Variants in EEF2KMT observed in about 807,000 individuals in gnomAD.
EEF2KMT encodes protein-lysine N-methyltransferase EEF2KMT.
In EEF2KMT, 30 loss-of-function variants were observed where a neutral mutation model predicts 35.1. The observed-to-expected ratio is 0.85, with a 90% CI of 0.64 to 1.16. The LOEUF (loss-of-function observed/expected upper bound fraction) is 1.16. EEF2KMT is among the 50% of genes most tolerant of loss of function. The probability of loss-of-function intolerance (pLI) is 0.00; values close to 1 mark genes in which losing one functional copy is unlikely to be tolerated. For synonymous variants in EEF2KMT, 190 were observed against 187.7 expected (o/e 1.01, Z -0.10); for missense variants, 499 against 438.2 (o/e 1.14, Z -1.24).
rs563038942 is a variant in EEF2KMT at position 5,091,919 on chromosome 16, T to G, written c.241-24A>C. 3.9e-4 allele frequency: 635 copies of G among 1,611,082 alleles called. 6 individuals are homozygous for G. In the South Asian group the frequency reaches 5.3e-3, roughly 14 times the overall value. On this transcript the variant is annotated intron_variant, in intron 3 of 7. Transcript: ENST00000427587. ...TGCTGGGGGCAGACAGAGTGAGAGC[T>G]TGTTTGCTTTCGTTCTAATCTGTAA...
intron 3 of EEF2KMT, 170 bp from the exon 4 acceptor site, chr16:5,092,065 C>T (rs981846261): frequency 2.0e-5 from 26 of 1,269,790 alleles, no homozygotes; most frequent in Middle Eastern, 2.8e-4. Context: ...GCCGAATAGT[C>T]CCAGCTACTC....
chr16:5,094,870 G>A (rs564468743), intron 2 of EEF2KMT, among the ~76,000 whole-genome samples: 3 of 152,294 alleles, frequency 2.0e-5, no homozygotes, highest in South Asian at 2.1e-4. Context: ...TTCTTTCTGC[G>A]AGGGAGTCTA....
intron 2 of EEF2KMT, among the ~76,000 whole-genome samples, chr16:5,094,416 C>A (rs1399506555): frequency 1.3e-5 from 2 of 152,174 alleles, no homozygotes; most frequent in African/African-American, 4.8e-5. Context: ...GCATGTACCA[C>A]CACGCCCAGC....
intron 1 of EEF2KMT, among the ~76,000 whole-genome samples, chr16:5,095,984 C>T (rs1443301726): frequency 6.6e-6 from 1 of 152,184 alleles, no homozygotes; most frequent in African/African-American, 2.4e-5. Context: ...TTCATTGCTT[C>T]AGAGCTCCCT....
intron 7 of EEF2KMT, among the ~76,000 whole-genome samples, chr16:5,088,434 A>T (rs59648697): frequency 6.6e-6 from 1 of 151,872 alleles, no homozygotes; most frequent in African/African-American, 2.4e-5. Flanking sequence ...GGCTGTGCTC[A>T]GGGGGAGCTG....
chr16:5,087,864 T>G (rs1259688271), intron 7 of EEF2KMT, among the ~76,000 whole-genome samples: 1 of 151,338 alleles, frequency 6.6e-6, no homozygotes, highest in Non-Finnish European at 1.5e-5. Context: ...TGGCACTGTT[T>G]TTTTCACTTA....
rs543128575 is a variant in EEF2KMT, at chr16:5,091,797, C to G, written c.339G>C (p.Leu113Phe). The G allele has an allele frequency of 3.3e-4, 529 of 1,611,704 alleles. 5 individuals carry two copies. The South Asian group carries it at 5.3e-3, about 16-fold the overall frequency. ...KESTQGHRSY[L>F]LPSGGSVTLS... is the part of the protein sequence containing the mutation. The stretch of plus-strand genomic sequence containing the variant: ...GAGGAGGGTGCCCTTCTCATACCAG[C>G]AAATAGCTCCGGTGGCCCTGGGTGG... The change falls in exon 4 of 8, where the codon TTG becomes TTC. Residue 113 changes from leucine to phenylalanine, a missense_variant. Physicochemically the swap from Leu to Phe is conservative, Grantham distance 22. Coordinates refer to ENST00000427587, the MANE Select transcript of EEF2KMT (RefSeq NM_201400.4).
chr16:5,088,394 T>A (rs1957259409), intron 7 of EEF2KMT, among the ~76,000 whole-genome samples: 1 of 152,152 alleles, frequency 6.6e-6, no homozygotes, highest in Non-Finnish European at 1.5e-5. Context: ...GGCTGCTGCA[T>A]GTGCATCTGT....
chr16:5,092,523 A>G (rs1467166902), intron 3 of EEF2KMT, among the ~76,000 whole-genome samples: 2 of 152,180 alleles, frequency 1.3e-5, no homozygotes, highest in Non-Finnish European at 2.9e-5. Context: ...TCTGGGGAGG[A>G]CTAGGGAGAA....
At position 5,084,392 on chromosome 16, in the gene EEF2KMT, T is replaced by A. The variant is rs1418271619; in HGVS notation, c.*1240A>T. ...AGTTTGTGATCCTTGATTCAGACAG[T>A]TTAGCAAGGCTGCAAAGAACACCGA... On this transcript the variant is annotated 3_prime_UTR_variant, in exon 8 of 8. Coordinates refer to ENST00000427587, the MANE Select transcript of EEF2KMT (RefSeq NM_201400.4). 1 of 450,356 alleles carries A rather than the reference T, an allele frequency of 2.2e-6. No homozygotes were observed. The highest frequency in any genetic ancestry group is 3.4e-5 in the Admixed American group (1 of 29,066). The allele number at this position is 450,356 out of a possible 1,614,324, so 27.9% of individuals were successfully genotyped here.
At chr16:5,093,815 G>A (rs112346282) in intron 2 of EEF2KMT, among the ~76,000 whole-genome samples, 2,999 of 152,298 alleles carry the variant, frequency 0.02, 106 homozygotes, top group African/African-American at 0.067. Flanking sequence ...GGAACACAGG[G>A]CATGTGGGCC....
At chr16:5,095,617 A>G in intron 1 of EEF2KMT, 103 bp from the exon 2 acceptor site, 1 of 1,565,248 alleles carries the variant, frequency 6.4e-7, no homozygotes, top group Non-Finnish European at 8.8e-7. Flanking sequence ...CTCCCTGGGG[A>G]CGTGGAGCCA....
In EEF2KMT at chr16:5,084,971, A is replaced by C; in HGVS notation, c.*661T>G. ...CTCAGGGCAAACCCTTTCGAGCAGC[A>C]CCTCCCAGTGGCCAGAAGCTGAAAT... On this transcript the variant is annotated 3_prime_UTR_variant, in exon 8 of 8. Transcript: ENST00000427587. 1 of 1,589,932 alleles carries C rather than the reference A, an allele frequency of 6.3e-7. No individual in the cohort carries two copies. Among genetic ancestry groups the C allele is most frequent in the South Asian group, 1.1e-5 (1 of 90,846 alleles).
chr16:5,087,873 T>G (rs992487440), intron 7 of EEF2KMT, among the ~76,000 whole-genome samples: 3 of 150,666 alleles, frequency 2.0e-5, no homozygotes, highest in African/African-American at 7.3e-5. Flanking sequence ...TTTTTTCACT[T>G]AAAATATATT....
chr16:5,097,748 CG>C lies in EEF2KMT; in HGVS notation c.-10del, dbSNP rs1957508492. 1.3e-6 allele frequency: 2 copies of C among 1,552,942 alleles called. No homozygotes were observed. ...TTCTCCTCGGGCGCCATGACGTGGG[CG>C]GGGCCGCAGCGTTGCCGGCAGACCG... On this transcript the variant is annotated 5_prime_UTR_variant, in exon 1 of 8. Transcript: ENST00000427587.
At position 5,093,530 on chromosome 16, in the gene EEF2KMT, G is replaced by A. The variant is rs748917479; in HGVS notation, c.194C>T (p.Pro65Leu). The A allele has an allele frequency of 9.3e-6, 15 of 1,611,986 alleles. No homozygotes were observed. Among genetic ancestry groups the A allele is most frequent in the Non-Finnish European group, 1.2e-5 (14 of 1,179,848 alleles). The change falls in exon 3 of 8, where the codon CCG becomes CTG. Residue 65 changes from proline to leucine, a missense_variant. Transcript: ENST00000427587. ...AAAGCACCGGGCATATTTGACGGAC[G>A]GCGGGTGCTTCACACACACAGGATG... ...VKHPVCVKHP[P>L]SVKYARCFLS...
At position 5,092,017 on chromosome 16, in the gene EEF2KMT, C is replaced by T. The variant is rs1452804481; in HGVS notation, c.241-122G>A. ...GAATGGTATAATACCGGCCAGCTGC[C>T]ATATAAAATATTCACTTCGTTGGGC... On this transcript the variant is annotated intron_variant, in intron 3 of 7. Coordinates refer to ENST00000427587, the MANE Select transcript of EEF2KMT (RefSeq NM_201400.4). The T allele has an allele frequency of 6.6e-6, 10 of 1,521,154 alleles. 1 individual carries two copies. In the South Asian group the frequency reaches 8.4e-5, roughly 13 times the overall value. The allele number at this position is 1,521,154 out of a possible 1,614,324, so 94.2% of individuals were successfully genotyped here. A position where few individuals can be genotyped will look rare whatever the true frequency, so the allele number is the denominator to read the frequency against.
At chr16:5,097,170 A>C (rs1409245208) in intron 1 of EEF2KMT, 15 of 613,072 alleles carry the variant, frequency 2.4e-5, no homozygotes, top group Non-Finnish European at 2.9e-5. Flanking sequence ...CAGGCGTGAC[A>C]GCCTCAGAGC....
At chr16:5,092,714 G>A (rs2142772483) in intron 3 of EEF2KMT, among the ~76,000 whole-genome samples, 1 of 152,324 alleles carries the variant, frequency 6.6e-6, no homozygotes, top group East Asian at 1.9e-4. Context: ...TGTAATCCCA[G>A]CACTTTGGGA....
Sources: gnomAD v4.1 joint callset for allele counts (sites outside exome capture counted in the v4.1 genomes callset) on GRCh38, gnomAD v4.1.1 for gene constraint, MANE v1.5 for transcripts, NCBI Gene and HGNC (gene_info 2026-07-23, HGNC 2026-07-21) for gene names.